Variants in RBFOX1 observed in about 807,000 individuals in gnomAD.
RBFOX1 encodes the protein RNA binding fox-1 homolog 1.
RBFOX1 carries 8 observed loss-of-function variants against 57.7 expected under a neutral mutation model. The observed-to-expected ratio is 0.14, with a 90% confidence interval of 0.08 to 0.25. RBFOX1 has a LOEUF of 0.25. RBFOX1 is among the 10% of genes least tolerant of loss of function. The pLI is 1.00. For synonymous variants in RBFOX1, 326 were observed against 222.4 expected, an observed-to-expected ratio of 1.47 and a Z score of -4.15; for missense variants, 611 against 548.5, an observed-to-expected ratio of 1.11 and a Z score of -1.14.
chr16:7,082,632 T>G (rs999839863), intron 4 of RBFOX1, among the ~76,000 whole-genome samples: 4 of 152,176 alleles, frequency 2.6e-5, no homozygotes, highest in African/African-American at 9.7e-5. Context: ...CAAGTCATTT[T>G]TCACATTTCG....
chr16:7,398,237 C>T (rs1336681589), intron 4 of RBFOX1, among the ~76,000 whole-genome samples: 1 of 152,174 alleles, frequency 6.6e-6, no homozygotes, highest in African/African-American at 2.4e-5. Context: ...CAGCTTATCA[C>T]AGTGGCAGGA....
intron 4 of RBFOX1, among the ~76,000 whole-genome samples, chr16:7,308,284 T>G (rs2096238790): frequency 7.9e-6 from 1 of 127,326 alleles, no homozygotes; most frequent in Admixed American, 9.1e-5. Context: ...CGTGTCAGAT[T>G]CCACCCAGAG....
At chr16:7,584,528 T>G (rs551604799) in intron 6 of RBFOX1, among the ~76,000 whole-genome samples, 1 of 152,270 alleles carries the variant, frequency 6.6e-6, no homozygotes, top group African/African-American at 2.4e-5. Context: ...CCCCACCTTG[T>G]GATCTGCCCG....
Position 5,758,227 on chromosome 16 carries a change from C to T in RBFOX1, c.319-109076C>T, listed in dbSNP as rs192165585. ...TGATGCTATTAATCCTACATGTTCT[C>T]GATTCTTCACTTTCTTCATGGGGGG... On this transcript the variant is annotated intron_variant, in intron 3 of 19. Transcript: ENST00000641259. 2.3e-3 allele frequency among the ~76,000 whole-genome samples: 344 copies of T among 152,286 alleles called. 1 individual carries two copies. The highest frequency in any genetic ancestry group is 4.2e-3 in the Non-Finnish European group (288 of 68,022).
intron 4 of RBFOX1, among the ~76,000 whole-genome samples, chr16:7,063,346 C>G (rs897810885): frequency 2.0e-5 from 3 of 152,058 alleles, no homozygotes; most frequent in Non-Finnish European, 4.4e-5. Flanking sequence ...GGATCTGTAT[C>G]AGTATCAAAG....
At chr16:6,196,656 A>AT (rs552103549) in intron 1 of RBFOX1, among the ~76,000 whole-genome samples, 173 of 151,944 alleles carry the variant, frequency 1.1e-3, no homozygotes, top group Non-Finnish European at 1.7e-3. Flanking sequence ...TATTATTTTC[A>AT]TTTTTTTCCT....
chr16:5,891,246 A>T (rs2058038993), intron 4 of RBFOX1, among the ~76,000 whole-genome samples: 1 of 152,136 alleles, frequency 6.6e-6, no homozygotes, highest in Admixed American at 6.5e-5. Flanking sequence ...GATGTGAGGC[A>T]GTGGTAGAAG....
At chr16:5,296,115 C>A (rs942446150) in intron 1 of RBFOX1, among the ~76,000 whole-genome samples, 30 of 152,334 alleles carry the variant, frequency 2.0e-4, no homozygotes, top group African/African-American at 7.0e-4. Flanking sequence ...CTCACAGACG[C>A]CTTCTTCATT....
At chr16:7,388,296 T>C (rs1166128009) in intron 4 of RBFOX1, among the ~76,000 whole-genome samples, 1 of 152,174 alleles carries the variant, frequency 6.6e-6, no homozygotes, top group Non-Finnish European at 1.5e-5. Flanking sequence ...AAACTTGCAT[T>C]GCTTTCTGGG....
At chr16:7,222,019 G>C (rs996465534) in intron 4 of RBFOX1, among the ~76,000 whole-genome samples, 4 of 152,178 alleles carry the variant, frequency 2.6e-5, no homozygotes, top group Non-Finnish European at 4.4e-5. Flanking sequence ...TTATTAGCCA[G>C]CCTGTCAGTC....
chr16:7,071,508 A>G (rs577191427), intron 4 of RBFOX1, among the ~76,000 whole-genome samples: 54 of 151,944 alleles, frequency 3.6e-4, no homozygotes, highest in African/African-American at 1.1e-3. Context: ...GGATTTTTGA[A>G]TAGATTTGAA....
intron 14 of RBFOX1, among the ~76,000 whole-genome samples, chr16:7,678,772 C>T (rs577146323): frequency 1.3e-5 from 2 of 152,148 alleles, no homozygotes; most frequent in Non-Finnish European, 2.9e-5. Flanking sequence ...TTTTAAATTT[C>T]TGCATTTTGG....
At chr16:6,132,914 G>A (rs1332570655) in intron 1 of RBFOX1, among the ~76,000 whole-genome samples, 10 of 148,766 alleles carry the variant, frequency 6.7e-5, no homozygotes, top group East Asian at 2.0e-4. Context: ...GCAGTGAGCC[G>A]AGATCATGCC....
At chr16:7,653,086 CAT>C (rs776135619) in intron 11 of RBFOX1, among the ~76,000 whole-genome samples, 1 of 152,204 alleles carries the variant, frequency 6.6e-6, no homozygotes, top group Non-Finnish European at 1.5e-5. Flanking sequence ...TGCACACATT[CAT>C]ACACATGTAC....
intron 3 of RBFOX1, among the ~76,000 whole-genome samples, chr16:6,948,077 G>A (rs2079924132): frequency 6.6e-6 from 1 of 152,064 alleles, no homozygotes; most frequent in Non-Finnish European, 1.5e-5. Context: ...CCATGGCCTG[G>A]CCTACATATT....
intron 2 of RBFOX1, among the ~76,000 whole-genome samples, chr16:6,511,746 A>G (rs2096259186): frequency 6.6e-6 from 1 of 152,202 alleles, no homozygotes; most frequent in Non-Finnish European, 1.5e-5. Context: ...CTATAGATGG[A>G]TTTTATAAGA....
chr16:5,791,071 G>A (rs1349999332), intron 3 of RBFOX1, among the ~76,000 whole-genome samples: 1 of 151,992 alleles, frequency 6.6e-6, no homozygotes, highest in African/African-American at 2.4e-5. Context: ...GTTTCACCAT[G>A]TTGACCAGGC....
rs373920361 is a variant in RBFOX1 at position 7,555,580 on chromosome 16, C to A, written c.271-24197C>A. Among the ~76,000 whole-genome samples, 4 of 152,110 alleles carry A rather than the reference C, an allele frequency of 2.6e-5. No homozygotes were observed. The South Asian group carries it at 8.3e-4, about 32-fold the overall frequency. ...AGTTCTTAGAGCAGACTACAAAGAC[C>A]TGCGTGACCTGTTTCTGTGCCCTCG... On this transcript the variant is annotated intron_variant, in intron 5 of 15. Coordinates refer to ENST00000550418, the MANE Select transcript of RBFOX1 (RefSeq NM_018723.4).
At chr16:5,894,688 C>T (rs993819497) in intron 4 of RBFOX1, among the ~76,000 whole-genome samples, 10 of 152,086 alleles carry the variant, frequency 6.6e-5, no homozygotes, top group African/African-American at 2.2e-4. Flanking sequence ...TACATTGGAC[C>T]ATGTTATCTA....
Sources: gnomAD v4.1 joint callset for allele counts (sites outside exome capture counted in the v4.1 genomes callset) on GRCh38, gnomAD v4.1.1 for gene constraint, MANE v1.5 for transcripts, NCBI Gene and HGNC (gene_info 2026-07-23, HGNC 2026-07-21) for gene names.